Variants in FERRY3 observed in about 807,000 individuals in gnomAD.
FERRY3 encodes the protein FERRY endosomal RAB5 effector complex subunit 3, also known as protein C12orf4.
chr12:4,494,324 A>G, the FERRY3 span, among the ~76,000 whole-genome samples: 1 of 152,072 alleles, frequency 6.6e-6, no homozygotes, highest in African/African-American at 2.4e-5. Context: ...TTGATGAGCT[A>G]AAGTTTTGAA....
At chr12:4,502,573 T>C in the FERRY3 span, 3 of 353,944 alleles carry the variant, frequency 8.5e-6, no homozygotes, top group African/African-American at 2.2e-5. This position sits in a 1 kb window ranked among gnomAD's most constrained non-coding sequence, Gnocchi z 4.2. Context: ...TAAGTCCTTC[T>C]AGGAAAGGTC....
the FERRY3 span, chr12:4,534,438 C>CT: frequency 2.1e-6 from 2 of 973,386 alleles, no homozygotes; most frequent in Non-Finnish European, 2.9e-6. Context: ...GTCTCTCTCT[C>CT]TGTTACACAG....
At chr12:4,491,202 C>T in the FERRY3 span, 130 of 1,613,028 alleles carry the variant, frequency 8.1e-5, 1 homozygote, top group Admixed American at 4.5e-4. Flanking sequence ...ACACAAGTTC[C>T]GCTCTCCTTA....
the FERRY3 span, among the ~76,000 whole-genome samples, chr12:4,523,145 T>C: frequency 1.3e-5 from 2 of 152,202 alleles, no homozygotes; most frequent in African/African-American, 4.8e-5. Flanking sequence ...AATTTTAAAA[T>C]ACCACTTTTA....
the FERRY3 span, among the ~76,000 whole-genome samples, chr12:4,502,711 C>A: frequency 6.6e-6 from 1 of 152,166 alleles, no homozygotes; most frequent in Non-Finnish European, 1.5e-5. This position sits in a 1 kb window ranked among gnomAD's most constrained non-coding sequence, Gnocchi z 4.2. Context: ...TATACTTTAG[C>A]CCTATGGTTA....
chr12:4,511,218 A>C, the FERRY3 span, among the ~76,000 whole-genome samples: 1 of 151,944 alleles, frequency 6.6e-6, no homozygotes, highest in South Asian at 2.1e-4. Flanking sequence ...CACTCAATAC[A>C]GGAGCACCCA....
At chr12:4,516,632 C>T in the FERRY3 span, among the ~76,000 whole-genome samples, 1 of 152,214 alleles carries the variant, frequency 6.6e-6, no homozygotes, top group Non-Finnish European at 1.5e-5. Flanking sequence ...ACACCACATG[C>T]TCTCACTTAT....
the FERRY3 span, among the ~76,000 whole-genome samples, chr12:4,496,590 A>T: frequency 1.4e-5 from 2 of 141,836 alleles, no homozygotes; most frequent in South Asian, 4.1e-4. Flanking sequence ...TGTGCAAAGA[A>T]GATTCTAAAC....
At chr12:4,504,961 C>T in the FERRY3 span, among the ~76,000 whole-genome samples, 1 of 152,028 alleles carries the variant, frequency 6.6e-6, no homozygotes, top group Non-Finnish European at 1.5e-5. Flanking sequence ...AAAAAGTAGC[C>T]GGGTACGGTG....
At chr12:4,519,759 G>GGCA in the FERRY3 span, among the ~76,000 whole-genome samples, 70 of 152,286 alleles carry the variant, frequency 4.6e-4, no homozygotes, top group Middle Eastern at 0.01. This position sits in a 1 kb window ranked among gnomAD's most constrained non-coding sequence, Gnocchi z 4.3. Flanking sequence ...TCCGCTCAGC[G>GGCA]GCAGCATTAG....
At chr12:4,523,025 A>G in the FERRY3 span, among the ~76,000 whole-genome samples, 5 of 152,246 alleles carry the variant, frequency 3.3e-5, no homozygotes, top group Non-Finnish European at 7.3e-5. Flanking sequence ...TGATTTTATG[A>G]CTAAGTTTGT....
chr12:4,517,829 A>T, the FERRY3 span, among the ~76,000 whole-genome samples: 1 of 151,884 alleles, frequency 6.6e-6, no homozygotes, highest in South Asian at 2.1e-4. Flanking sequence ...CGTAATGAGA[A>T]TTCTATAAAA....
At chr12:4,515,498 T>C in the FERRY3 span, among the ~76,000 whole-genome samples, 2 of 152,160 alleles carry the variant, frequency 1.3e-5, no homozygotes, top group Non-Finnish European at 2.9e-5. Context: ...TGTAACAACA[T>C]GGATTGACCT....
chr12:4,530,407 T>C, the FERRY3 span, among the ~76,000 whole-genome samples: 1 of 152,192 alleles, frequency 6.6e-6, no homozygotes, highest in African/African-American at 2.4e-5. Context: ...TAATGGTGGC[T>C]ATTTCAGGAC....
At chr12:4,516,938 A>T in the FERRY3 span, 1 of 971,320 alleles carries the variant, frequency 1.0e-6, no homozygotes, top group Non-Finnish European at 1.4e-6. Flanking sequence ...ACTTAAAAAA[A>T]TCTTAATTTT....
chr12:4,518,097 C>T, the FERRY3 span: 2 of 1,613,598 alleles, frequency 1.2e-6, no homozygotes, highest in South Asian at 1.1e-5. Flanking sequence ...CGATTATCTA[C>T]TAGTAAAACC....
the FERRY3 span, among the ~76,000 whole-genome samples, chr12:4,529,061 T>C: frequency 6.6e-6 from 1 of 152,116 alleles, no homozygotes; most frequent in Non-Finnish European, 1.5e-5. Flanking sequence ...TATTATTAGA[T>C]TCTGCTAAAT....
chr12:4,500,459 A>G, the FERRY3 span: 107,238 of 818,658 alleles, frequency 0.13, 10,194 homozygotes, highest in African/African-American at 0.41. Flanking sequence ...GGTGTATCCC[A>G]AACATTTACT....
the FERRY3 span, chr12:4,534,176 C>G: frequency 6.2e-7 from 1 of 1,608,518 alleles, no homozygotes. Flanking sequence ...AGCTTTGGCC[C>G]ATGTACTCGC....
Sources: allele counts gnomAD v4.1 joint callset (sites outside exome capture counted in the v4.1 genomes callset), GRCh38; gene constraint gnomAD v4.1.1; non-coding constraint Gnocchi (gnomAD v3.1); transcripts MANE v1.5; gene names NCBI Gene and HGNC (gene_info 2026-07-23, HGNC 2026-07-21).